The following LRSAM1 variants were observed in gnomAD, a reference collection of about 807,000 sequenced individuals.
The protein encoded by LRSAM1 is E3 ubiquitin-protein ligase LRSAM1.
LRSAM1 carries 96 observed loss-of-function variants against 118.1 expected under a neutral mutation model. That is an observed-to-expected ratio of 0.81 (90% CI 0.69 to 0.96). LRSAM1 has a LOEUF of 0.96. LRSAM1 is among the 40% of genes least tolerant of loss of function. The pLI is 0.00. For synonymous variants in LRSAM1, 322 were observed against 364.2 expected, an observed-to-expected ratio of 0.88 and a Z score of 1.32; for missense variants, 804 against 915.5, an observed-to-expected ratio of 0.88 and a Z score of 1.57.
chr9:127,483,294 G>A (rs1835607286), intron 16 of LRSAM1, among the ~76,000 whole-genome samples: 1 of 152,132 alleles, frequency 6.6e-6, no homozygotes, highest in Admixed American at 6.5e-5. Flanking sequence ...TAAAATGGAG[G>A]AAATGGGCCA....
intron 17 of LRSAM1, among the ~76,000 whole-genome samples, chr9:127,486,973 G>A (rs974450024): frequency 8.6e-5 from 13 of 151,892 alleles, no homozygotes; most frequent in African/African-American, 2.7e-4. Context: ...ACCTGAGGTC[G>A]GGAGTTTGAG....
At chr9:127,466,508 T>A (rs867090960) in intron 9 of LRSAM1, among the ~76,000 whole-genome samples, 1,451 of 47,840 alleles carry the variant, frequency 0.03, 28 homozygotes, top group African/African-American at 0.096. Flanking sequence ...ATATATATTT[T>A]TTTTTTTTTT....
intron 15 of LRSAM1, 125 bp from the exon 16 acceptor site, chr9:127,482,825 G>T (rs1435537218): frequency 4.8e-6 from 4 of 840,974 alleles, no homozygotes; most frequent in Non-Finnish European, 7.9e-6. Context: ...TAGGCATCCA[G>T]AGAGCCCATC....
At chr9:127,481,304 GT>G in intron 15 of LRSAM1, 77 bp downstream of exon 15, 1 of 1,503,108 alleles carries the variant, frequency 6.7e-7, no homozygotes, top group Non-Finnish European at 9.1e-7. Flanking sequence ...CCAGGCTGGA[GT>G]GCAGTGGCAC....
Position 127,485,738 on chromosome 9 carries a change from G to A in LRSAM1, c.1162G>A (p.Ala388Thr), listed in dbSNP as rs138715791. The A allele has an allele frequency of 5.9e-5, 95 of 1,613,934 alleles. 1 individual carries two copies. The highest frequency in any genetic ancestry group is 7.1e-5 in the Non-Finnish European group (84 of 1,180,012). Residue 388 changes from alanine (A) to threonine (T), a missense_variant and splice_region_variant, in exon 17 of 26, where the codon GCC (alanine) becomes ACC (threonine). Physicochemically the swap from Ala to Thr is moderately conservative, Grantham distance 58. Coordinates refer to ENST00000300417, the MANE Select transcript of LRSAM1 (RefSeq NM_001005373.4). ...ESLRRRDVAS[A>T]MQQMLTESCK... ...GTCCCCACCTCATGTTCCCACAGCCGCCATGCAGCAGATGCTGACTGAGAG... is the reference window on the plus strand; with the variant it reads ...GTCCCCACCTCATGTTCCCACAGCCACCATGCAGCAGATGCTGACTGAGAG...
intron 4 of LRSAM1, 36 bp downstream of exon 4, chr9:127,455,090 C>G: frequency 6.2e-7 from 1 of 1,605,344 alleles, no homozygotes; most frequent in Non-Finnish European, 8.5e-7. Context: ...TGAATTGGAT[C>G]TGTCCCGTTT....
chr9:127,495,139 T>G (rs1836078829), intron 21 of LRSAM1, among the ~76,000 whole-genome samples, 181 bp from the exon 22 acceptor site: 1 of 151,834 alleles, frequency 6.6e-6, no homozygotes, highest in Non-Finnish European at 1.5e-5. Flanking sequence ...TTAGTAGAGG[T>G]GGGGGGTTTC....
At chr9:127,489,579 C>G in intron 19 of LRSAM1, 61 bp downstream of exon 19, 1 of 1,541,948 alleles carries the variant, frequency 6.5e-7, no homozygotes. Flanking sequence ...AGTGGCCCTC[C>G]AGGGCGGCAG....
At position 127,496,132 on chromosome 9, in the gene LRSAM1, G is replaced by A. The variant is rs368199689; in HGVS notation, c.1830+37G>A. ...CCGTCTGCATGGAGGGGAGGGGCACGCAAGGCCGCTGTCCTGACCAGCCGG... is the reference window on the plus strand; with the variant it reads ...CCGTCTGCATGGAGGGGAGGGGCACACAAGGCCGCTGTCCTGACCAGCCGG... On this transcript the variant is annotated intron_variant, in intron 23 of 25. Coordinates refer to ENST00000300417, the MANE Select transcript of LRSAM1 (RefSeq NM_001005373.4). 3.7e-6 allele frequency: 6 copies of A among 1,601,738 alleles called. No individual in the cohort carries two copies. The African/African-American group carries it at 5.3e-5, about 14-fold the overall frequency.
chr9:127,456,290 G>A (rs564681115), intron 5 of LRSAM1, among the ~76,000 whole-genome samples: 2 of 150,406 alleles, frequency 1.3e-5, no homozygotes, highest in South Asian at 2.1e-4. Context: ...CTGGAGTGCA[G>A]TGGTGCAATC....
At chr9:127,483,508 G>T (rs2246375) in intron 16 of LRSAM1, among the ~76,000 whole-genome samples, 65,550 of 151,814 alleles carry the variant, frequency 0.43, 14,961 homozygotes, top group Non-Finnish European at 0.5. Context: ...ATAAATGTTG[G>T]TGATCCATAT....
chr9:127,502,903 C>T lies in LRSAM1; in HGVS notation c.*4C>T, dbSNP rs1418879420. The T allele has an allele frequency of 6.3e-7, 1 of 1,592,604 alleles. No homozygotes were observed. The highest frequency in any genetic ancestry group is 8.5e-7 in the Non-Finnish European group (1 of 1,170,832). The stretch of plus-strand genomic sequence containing the variant: ...CCGCATCTACCACAGCAGCTGAGTG[C>T]TGCCCGCCCACCTGGGCCTGGTCCT... On this transcript the variant is annotated 3_prime_UTR_variant, in exon 26 of 26. Coordinates refer to ENST00000300417, the MANE Select transcript of LRSAM1 (RefSeq NM_001005373.4).
Position 127,503,021 on chromosome 9 carries a change from C to A in LRSAM1, c.*122C>A. The stretch of plus-strand genomic sequence containing the variant: ...GCTCCCCCCTGCCCTGGGCCCCTTC[C>A]CCACTGCCCAGGAGCCCCCATCCTA... On this transcript the variant is annotated 3_prime_UTR_variant, in exon 26 of 26. Coordinates refer to ENST00000300417, the MANE Select transcript of LRSAM1 (RefSeq NM_001005373.4). 7.4e-7 allele frequency: 1 copy of A among 1,349,502 alleles called. No individual in the cohort carries two copies. 83.6% of individuals were successfully genotyped at this position (1,349,502 alleles called of 1,614,324 possible). A position where few individuals can be genotyped will look rare whatever the true frequency, so the allele number is the denominator to read the frequency against.
intron 7 of LRSAM1, 38 bp downstream of exon 7, chr9:127,459,109 T>G: frequency 6.2e-7 from 1 of 1,601,182 alleles, no homozygotes; most frequent in Non-Finnish European, 8.5e-7. Flanking sequence ...TCGGATGGCC[T>G]TAGTGAGACC....
Position 127,502,842 on chromosome 9 carries a change from C to T in LRSAM1, c.2115C>T (p.Thr705=), listed in dbSNP as rs1410005477. The T allele has an allele frequency of 3.1e-6, 5 of 1,612,242 alleles. No homozygotes were observed. The highest frequency in any genetic ancestry group is 4.2e-6 in the Non-Finnish European group (5 of 1,179,686). The change falls in exon 26 of 26, where the codon ACC becomes ACT. Residue 705 remains threonine (T), a synonymous_variant. Coordinates refer to ENST00000300417, the MANE Select transcript of LRSAM1 (RefSeq NM_001005373.4). Reference sequence around the variant, plus strand: ...AGCAGTGCTGCCAGCCACTGCGCACCTGCCCGCTGTGCCGCCAGGACATCG... The same window carrying T: ...AGCAGTGCTGCCAGCCACTGCGCACTTGCCCGCTGTGCCGCCAGGACATCG... ...CCQQCCQPLR[T]CPLCRQDIAQ...
At chr9:127,491,020 G>A (rs1025663572) in intron 19 of LRSAM1, among the ~76,000 whole-genome samples, 195 bp from the exon 20 acceptor site, 8 of 151,918 alleles carry the variant, frequency 5.3e-5, no homozygotes, top group African/African-American at 1.2e-4. Context: ...CCAGGAACGC[G>A]AGGCCATGAA....
At chr9:127,479,567 T>C in intron 13 of LRSAM1, 62 bp downstream of exon 13, 1 of 1,606,602 alleles carries the variant, frequency 6.2e-7, no homozygotes, top group South Asian at 1.1e-5. Context: ...GCCTCCTGGC[T>C]TGGGCCAAGG....
chr9:127,497,365 AG>A, intron 24 of LRSAM1, 31 bp downstream of exon 24: 2 of 1,598,382 alleles, frequency 1.3e-6, no homozygotes, highest in Non-Finnish European at 1.7e-6. Context: ...TCTTCCAGGC[AG>A]GGCTCCAGCC....
chr9:127,494,145 G>A (rs1165581159), intron 21 of LRSAM1, among the ~76,000 whole-genome samples: 1 of 152,358 alleles, frequency 6.6e-6, no homozygotes. Flanking sequence ...AGGAAGCACC[G>A]CCCCAGCAGA....
Sources: allele counts gnomAD v4.1 joint callset (sites outside exome capture counted in the v4.1 genomes callset), GRCh38; gene constraint gnomAD v4.1.1; transcripts MANE v1.5; gene names NCBI Gene and HGNC (gene_info 2026-07-23, HGNC 2026-07-21).